Variants in FER1L6 observed in about 807,000 individuals in gnomAD.
The protein encoded by FER1L6 is fer-1 like family member 6.
A neutral mutation model predicts 219.2 loss-of-function variants in FER1L6; 177 were observed. The ratio of observed to expected loss-of-function variants is 0.81; its 90% confidence interval spans 0.71 to 0.91. FER1L6 has a LOEUF of 0.91. FER1L6 is among the 40% of genes least tolerant of loss of function. The probability of loss-of-function intolerance (pLI) is 0.00; values close to 1 mark genes in which losing one functional copy is unlikely to be tolerated. For missense variants in FER1L6, 2,153 were observed against 2,259.9 expected (o/e 0.95, Z 0.96); for synonymous variants, 768 against 824.3 (o/e 0.93, Z 1.17).
At chr8:123,916,181 G>A (rs925115944) in intron 1 of FER1L6, among the ~76,000 whole-genome samples, 100 of 152,258 alleles carry the variant, frequency 6.6e-4, no homozygotes, top group African/African-American at 2.3e-3. Flanking sequence ...TTCTCAAAGC[G>A]CTCCTGTCTT....
At chr8:123,980,187 A>G (rs930174543) in intron 10 of FER1L6, among the ~76,000 whole-genome samples, 1 of 152,166 alleles carries the variant, frequency 6.6e-6, no homozygotes, top group African/African-American at 2.4e-5. Flanking sequence ...CCTACTGGAG[A>G]ACATGGGGGA....
intron 1 of FER1L6, chr8:123,926,000 A>G (rs4871428): frequency 0.41 from 61,911 of 152,122 alleles, 12,968 homozygotes; most frequent in South Asian, 0.53. Context: ...AGCCCTGCTC[A>G]CTTCTTATTG....
chr8:123,998,479 C>A (rs1817251460), intron 12 of FER1L6, among the ~76,000 whole-genome samples: 1 of 147,156 alleles, frequency 6.8e-6, no homozygotes, highest in Non-Finnish European at 1.5e-5. Context: ...TCTGTTGCTA[C>A]CACCACTGGG....
At chr8:124,112,673 G>A (rs954900114) in intron 39 of FER1L6, among the ~76,000 whole-genome samples, 1 of 152,134 alleles carries the variant, frequency 6.6e-6, no homozygotes, top group East Asian at 1.9e-4. Flanking sequence ...CTTCCAGTTT[G>A]ATGTGAAAAA....
intron 11 of FER1L6, among the ~76,000 whole-genome samples, chr8:123,983,644 T>G (rs1753585402): frequency 6.6e-6 from 1 of 152,162 alleles, no homozygotes; most frequent in South Asian, 2.1e-4. Context: ...GGTGCAGTGG[T>G]TACTGCTTGG....
chr8:124,053,912 T>TTCA (rs1330367247), intron 22 of FER1L6, among the ~76,000 whole-genome samples: 1 of 152,232 alleles, frequency 6.6e-6, no homozygotes, highest in Non-Finnish European at 1.5e-5. Flanking sequence ...CCAGACTGAA[T>TTCA]TCATTATTTT....
At chr8:124,091,314 A>C in intron 33 of FER1L6, 109 bp from the exon 34 acceptor site, 1 of 833,428 alleles carries the variant, frequency 1.2e-6, no homozygotes. Context: ...CAAACCCCCT[A>C]ACCCCAGATA....
intron 11 of FER1L6, among the ~76,000 whole-genome samples, chr8:123,983,423 G>A (rs1425720171): frequency 6.6e-6 from 1 of 152,040 alleles, no homozygotes. Flanking sequence ...TGTCATCCTC[G>A]ATATTGGTAA....
Position 124,071,594 on chromosome 8 carries a change from A to T in FER1L6, c.4055A>T (p.His1352Leu). 6.2e-7 allele frequency: 1 copy of T among 1,613,878 alleles called. No individual in the cohort carries two copies. ...LRIQQGIPPN[H>L]PVTVLIRVYI... ...ATCCAGCAAGGGATTCCGCCCAATC[A>T]CCCTGTCACAGTGCTGATCAGAGTA... Residue 1352 changes from histidine (H) to leucine (L), a missense_variant, in exon 31 of 41, where the codon CAC (histidine) becomes CTC (leucine). Physicochemically the swap from His to Leu is moderately conservative, Grantham distance 99. Coordinates refer to ENST00000522917, the MANE Select transcript of FER1L6 (RefSeq NM_001039112.2).
In FER1L6 at chr8:123,880,356, C is replaced by T. The variant is rs759970157; in HGVS notation, c.-8+28171C>T. 6.6e-5 allele frequency among the ~76,000 whole-genome samples: 10 copies of T among 152,178 alleles called. 1 individual carries two copies. Among genetic ancestry groups the T allele is most frequent in the Non-Finnish European group, 7.3e-5 (5 of 68,034 alleles). ...TCCACAGGAACTGGCTTTATCGCAG[C>T]GCCTTGTTTATGTCCTCCGTCCACA... On this transcript the variant is annotated intron_variant, in intron 1 of 40. Transcript: ENST00000522917.
chr8:123,980,091 A>G (rs1816254681), intron 10 of FER1L6, among the ~76,000 whole-genome samples: 1 of 152,170 alleles, frequency 6.6e-6, no homozygotes, highest in Non-Finnish European at 1.5e-5. Context: ...CACTGTAAAT[A>G]TTTATTTGCT....
chr8:123,970,769 A>G (rs944243710), intron 6 of FER1L6, among the ~76,000 whole-genome samples: 1 of 152,226 alleles, frequency 6.6e-6, no homozygotes, highest in Admixed American at 6.5e-5. Context: ...TGCCCACTAC[A>G]TGGAGGACAG....
At chr8:124,060,483 A>G (rs1252485571) in intron 23 of FER1L6, 65 bp from the exon 24 acceptor site, 1 of 1,592,818 alleles carries the variant, frequency 6.3e-7, no homozygotes, top group Non-Finnish European at 8.6e-7. Flanking sequence ...TTCCACACAG[A>G]GCCAGGGCAG....
In FER1L6 at chr8:124,069,409, G is replaced by A. The variant is rs1820970286; in HGVS notation, c.3768G>A (p.Lys1256=). The A allele has an allele frequency of 6.2e-7, 1 of 1,612,210 alleles. No homozygotes were observed. Among genetic ancestry groups the A allele is most frequent in the Non-Finnish European group, 8.5e-7 (1 of 1,179,488 alleles). ...VVVDIEDGPK[K]KKDKMLKKKP... ...TAGATATAGAAGATGGGCCAAAGAA[G>A]AAGAAAGACAAAATGCTCAAGAAGA... Residue 1256 remains lysine (K), a synonymous_variant, in exon 29 of 41, where the codon AAG becomes AAA. Coordinates refer to ENST00000522917, the MANE Select transcript of FER1L6 (RefSeq NM_001039112.2).
At position 124,090,037 on chromosome 8, in the gene FER1L6, C is replaced by CCTCT. The variant is rs1225635454; in HGVS notation, c.4392-1383_4392-1380dup. 3.3e-5 allele frequency among the ~76,000 whole-genome samples: 5 copies of CCTCT among 152,312 alleles called. No individual in the cohort carries two copies. In the East Asian group the frequency reaches 7.7e-4, roughly 23 times the overall value. On this transcript the variant is annotated intron_variant, in intron 33 of 40. Coordinates refer to ENST00000522917, the MANE Select transcript of FER1L6 (RefSeq NM_001039112.2). ...ATTCTCATACAAAAGCCACTGCACA[C>CCTCT]CTCTCTGATAATTGACTTAACATTT... is the stretch of plus-strand genomic sequence containing the variant.
At chr8:123,984,079 A>G (rs1021827735) in intron 11 of FER1L6, 2 of 152,204 alleles carry the variant, frequency 1.3e-5, no homozygotes, top group South Asian at 4.1e-4. Context: ...ACCTTGTAGG[A>G]TGGGTGGAAT....
rs1821588216 is a variant in FER1L6 at position 124,082,310 on chromosome 8, T to C, written c.4243T>C (p.Phe1415Leu). The change falls in exon 33 of 41, where the codon TTC (phenylalanine) becomes CTC (leucine). Residue 1415 changes from phenylalanine to leucine, a missense_variant. By Grantham distance (22) the Phe-to-Leu change is conservative. Transcript: ENST00000522917. ...FGRSFEIQAT[F>L]PKESLLSILI... The stretch of plus-strand genomic sequence containing the variant: ...CAGGTCATTTGAGATCCAAGCCACA[T>C]TCCCAAAAGAGTCCCTGCTCTCCAT... The C allele has an allele frequency of 6.2e-7, 1 of 1,613,444 alleles. No homozygotes were observed. The highest frequency in any genetic ancestry group is 1.1e-5 in the South Asian group (1 of 90,932).
chr8:124,075,906 A>G lies in FER1L6; in HGVS notation c.4093-292A>G, dbSNP rs181649680. 2.2e-3 allele frequency among the ~76,000 whole-genome samples: 340 copies of G among 152,348 alleles called. 2 individuals are homozygous for G. The highest frequency in any genetic ancestry group is 3.9e-3 in the Admixed American group (59 of 15,308). On this transcript the variant is annotated intron_variant, in intron 31 of 40. Transcript: ENST00000522917. Reference sequence around the variant, plus strand: ...GGCATTTTTCTCATTTTTCTGTGCCAAGAGCTTCTTTCCACTGAGGAGATG... The same window carrying G: ...GGCATTTTTCTCATTTTTCTGTGCCGAGAGCTTCTTTCCACTGAGGAGATG...
At chr8:124,094,679 G>T (rs1190526280) in intron 34 of FER1L6, among the ~76,000 whole-genome samples, 1 of 152,096 alleles carries the variant, frequency 6.6e-6, no homozygotes, top group African/African-American at 2.4e-5. Context: ...TAGAGAAAGG[G>T]TTTCACCATT....
Sources: allele counts gnomAD v4.1 joint callset (sites outside exome capture counted in the v4.1 genomes callset), GRCh38; gene constraint gnomAD v4.1.1; transcripts MANE v1.5; gene names NCBI Gene and HGNC (gene_info 2026-07-23, HGNC 2026-07-21).